The following PRKN variants were observed in gnomAD, a reference collection of about 807,000 sequenced individuals.
PRKN encodes parkin RBR E3 ubiquitin protein ligase, also known as E3 ubiquitin-protein ligase parkin.
Under a neutral mutation model 59.5 loss-of-function variants are expected in PRKN, and 56 were observed. That is an observed-to-expected ratio of 0.94 (90% CI 0.76 to 1.18). The LOEUF is 1.18. Ranked by LOEUF, PRKN falls within the 50% of genes most tolerant of loss-of-function variation. The pLI, the probability that PRKN is intolerant of heterozygous loss-of-function variation, is 0.00. For synonymous variants in PRKN, 250 were observed against 222.1 expected, an observed-to-expected ratio of 1.13 and a Z score of -1.12; for missense variants, 657 against 596.4, an observed-to-expected ratio of 1.10 and a Z score of -1.06.
intron 6 of PRKN, among the ~76,000 whole-genome samples, chr6:161,847,737 T>C (rs1030673230): frequency 6.6e-6 from 1 of 152,202 alleles, no homozygotes; most frequent in Non-Finnish European, 1.5e-5. Context: ...TTGACAAGAC[T>C]CAGCAAATAT....
chr6:161,510,409 G>T (rs1298826469), intron 9 of PRKN, among the ~76,000 whole-genome samples: 1 of 150,588 alleles, frequency 6.6e-6, no homozygotes, highest in African/African-American at 2.5e-5. Context: ...GAGGTCGCCA[G>T]TGAGGCATCG....
intron 1 of PRKN, among the ~76,000 whole-genome samples, chr6:162,518,316 C>T (rs1777950524): frequency 6.6e-6 from 1 of 152,132 alleles, no homozygotes; most frequent in Non-Finnish European, 1.5e-5. Flanking sequence ...CACACAAATG[C>T]ATACATTTAC....
At chr6:162,065,209 G>A (rs1778278518) in intron 4 of PRKN, among the ~76,000 whole-genome samples, 1 of 152,174 alleles carries the variant, frequency 6.6e-6, no homozygotes, top group African/African-American at 2.4e-5. Flanking sequence ...CAAAAGTAGG[G>A]AAGCCAACAG....
At chr6:161,974,569 T>C (rs1454680225) in intron 5 of PRKN, among the ~76,000 whole-genome samples, 1 of 152,184 alleles carries the variant, frequency 6.6e-6, no homozygotes, top group Non-Finnish European at 1.5e-5. Flanking sequence ...TTCTGTTCAC[T>C]CACACACCAA....
At chr6:161,817,156 A>C (rs1791819256) in intron 6 of PRKN, among the ~76,000 whole-genome samples, 1 of 151,896 alleles carries the variant, frequency 6.6e-6, no homozygotes, top group Non-Finnish European at 1.5e-5. Context: ...CACATTAAAA[A>C]CTCCTGGAGC....
intron 3 of PRKN, among the ~76,000 whole-genome samples, chr6:162,201,966 G>A (rs1047538748): frequency 1.3e-4 from 19 of 151,930 alleles, no homozygotes; most frequent in African/African-American, 4.6e-4. Flanking sequence ...CACCATATAG[G>A]GACACTCTGT....
chr6:162,674,980 G>A (rs1779479282), intron 1 of PRKN, among the ~76,000 whole-genome samples: 1 of 152,008 alleles, frequency 6.6e-6, no homozygotes. Flanking sequence ...ATTAAGGATG[G>A]TAACATAGAG....
chr6:161,924,472 T>C lies in PRKN; in HGVS notation c.734+48830A>G, dbSNP rs113681120. 2.0e-3 allele frequency among the ~76,000 whole-genome samples: 303 copies of C among 152,330 alleles called. 1 individual carries two copies. Among genetic ancestry groups the C allele is most frequent in the African/African-American group, 7.1e-3 (295 of 41,578 alleles). Reference sequence around the variant, plus strand: ...AATTTTGAAAGGCTAGTATTCAGCATAGTGCCTGACACACAGCAAGATTTT... The same window carrying C: ...AATTTTGAAAGGCTAGTATTCAGCACAGTGCCTGACACACAGCAAGATTTT... On this transcript the variant is annotated intron_variant, in intron 6 of 11. Transcript: ENST00000366898.
chr6:162,221,195 G>A (rs570588269), intron 3 of PRKN, among the ~76,000 whole-genome samples: 16 of 152,260 alleles, frequency 1.1e-4, no homozygotes, highest in South Asian at 4.1e-4. Flanking sequence ...CATTTAGTGC[G>A]TAAGGAATTA....
intron 7 of PRKN, among the ~76,000 whole-genome samples, chr6:161,748,958 C>A (rs528319532): frequency 2.0e-5 from 3 of 152,230 alleles, no homozygotes; most frequent in South Asian, 2.1e-4. Context: ...CCAGACAAAG[C>A]GAAACAAAAC....
At chr6:162,237,631 GGCAT>G (rs1778798331) in intron 3 of PRKN, among the ~76,000 whole-genome samples, 1 of 152,128 alleles carries the variant, frequency 6.6e-6, no homozygotes, top group Non-Finnish European at 1.5e-5. Context: ...GGAGAAAGGA[GGCAT>G]GCTTATGGCA....
At chr6:161,847,237 G>T (rs923749450) in intron 6 of PRKN, among the ~76,000 whole-genome samples, 3 of 152,126 alleles carry the variant, frequency 2.0e-5, no homozygotes, top group African/African-American at 7.2e-5. Context: ...GAACCAGGGA[G>T]TTGGAGGTTG....
At chr6:162,668,912 C>T (rs1245061513) in intron 1 of PRKN, among the ~76,000 whole-genome samples, 2 of 152,008 alleles carry the variant, frequency 1.3e-5, no homozygotes, top group African/African-American at 2.4e-5. Context: ...ATGGTGGTGG[C>T]CCTGGTGGTG....
chr6:161,960,596 C>T (rs1467532398), intron 6 of PRKN, among the ~76,000 whole-genome samples: 1 of 152,158 alleles, frequency 6.6e-6, no homozygotes, highest in South Asian at 2.1e-4. Flanking sequence ...AGAGCCTTCA[C>T]CAGACGAGGC....
chr6:161,413,596 G>T lies in PRKN; in HGVS notation c.1084-26719C>A, dbSNP rs1787693536. ...CGTGGGCCAGGAAAGCCTGGGAACT[G>T]GGGGTGTTGGCATGAGATGAAGCTC... On this transcript the variant is annotated intron_variant, in intron 9 of 11. Transcript: ENST00000366898. The surrounding 1 kb of genome is among the most constrained non-coding windows in gnomAD (Gnocchi z 4.4). 6.6e-6 allele frequency among the ~76,000 whole-genome samples: 1 copy of T among 152,110 alleles called. No individual in the cohort carries two copies. The highest frequency in any genetic ancestry group is 2.4e-5 in the African/African-American group (1 of 41,406).
intron 9 of PRKN, among the ~76,000 whole-genome samples, chr6:161,422,560 C>A (rs1487101304): frequency 6.6e-6 from 1 of 152,158 alleles, no homozygotes; most frequent in Non-Finnish European, 1.5e-5. Context: ...CTTTCTTTGA[C>A]TAACGCCTAT....
chr6:162,529,649 G>C (rs1778428736), intron 1 of PRKN, among the ~76,000 whole-genome samples: 1 of 152,160 alleles, frequency 6.6e-6, no homozygotes, highest in African/African-American at 2.4e-5. Flanking sequence ...AGTGAGGCCA[G>C]ATAGTGGATT....
At chr6:162,498,752 C>T (rs1408102673) in intron 1 of PRKN, among the ~76,000 whole-genome samples, 2 of 151,846 alleles carry the variant, frequency 1.3e-5, no homozygotes, top group Non-Finnish European at 2.9e-5. Flanking sequence ...GAAAGTATTA[C>T]AGTAAATAAC....
chr6:161,892,827 C>T (rs939296686), intron 6 of PRKN, among the ~76,000 whole-genome samples: 2 of 152,160 alleles, frequency 1.3e-5, no homozygotes, highest in African/African-American at 4.8e-5. Context: ...AGAGAATGTA[C>T]CTGGTGGCAG....
Sources: gnomAD v4.1 joint callset for allele counts (sites outside exome capture counted in the v4.1 genomes callset) on GRCh38, gnomAD v4.1.1 for gene constraint, Gnocchi (gnomAD v3.1) non-coding constraint, MANE v1.5 for transcripts, NCBI Gene and HGNC (gene_info 2026-07-23, HGNC 2026-07-21) for gene names.